Variants in VWF observed in about 807,000 individuals in gnomAD.
VWF encodes the protein von Willebrand factor, also known as Factor VIII related antigen.
VWF carries 176 observed loss-of-function variants against 308.6 expected under a neutral mutation model. The observed-to-expected ratio is 0.57, with a 90% confidence interval of 0.50 to 0.65. The LOEUF (loss-of-function observed/expected upper bound fraction) is 0.65, where lower values mean the gene tolerates loss of function less well. Among genes scored for constraint, VWF ranks in the 30% least tolerant of loss-of-function variants. The pLI, the probability that VWF is intolerant of heterozygous loss-of-function variation, is 0.00. For synonymous variants in VWF, 1,385 were observed against 1,443.4 expected (o/e 0.96, Z 0.92); for missense variants, 3,146 against 3,648.2 (o/e 0.86, Z 3.55).
chr12:6,058,234 T>C lies in VWF; in HGVS notation c.1534-190A>G, dbSNP rs1226275809. On this transcript the variant is annotated intron_variant, in intron 13 of 51. Transcript: ENST00000261405. This position sits in a 1 kb window ranked among gnomAD's most constrained non-coding sequence, Gnocchi z 4.9. The stretch of plus-strand genomic sequence containing the variant: ...GGGGAAAGTGAACTGCAGTGTAAAT[T>C]TACCAGCTCCATCCCTGTTCCCAAA... Among the ~76,000 whole-genome samples, 1 of 152,200 alleles carries C rather than the reference T, an allele frequency of 6.6e-6. No homozygotes were observed. Among genetic ancestry groups the C allele is most frequent in the Non-Finnish European group, 1.5e-5 (1 of 68,036 alleles).
rs190943433 is a variant in VWF, at chr12:5,957,988, T to G, written c.7888-4394A>C. Among the ~76,000 whole-genome samples the G allele has an allele frequency of 3.9e-5, 6 of 152,262 alleles. 1 individual carries two copies. The highest frequency in any genetic ancestry group is 6.5e-5 in the Admixed American group (1 of 15,302). Reference sequence around the variant, plus strand: ...ATGTACAAATTATGGAAAAAGTACGTTGTACATGAAATGTTATATTATTCA... The same window carrying G: ...ATGTACAAATTATGGAAAAAGTACGGTGTACATGAAATGTTATATTATTCA... On this transcript the variant is annotated intron_variant, in intron 47 of 51. Coordinates refer to ENST00000261405, the MANE Select transcript of VWF (RefSeq NM_000552.5).
chr12:6,094,208 A>G (rs1365918247), intron 6 of VWF, among the ~76,000 whole-genome samples: 1 of 152,198 alleles, frequency 6.6e-6, no homozygotes, highest in Non-Finnish European at 1.5e-5. Context: ...ACTGGGAGAA[A>G]ATAAATGCCT....
chr12:6,051,386 G>T (rs1455981766), intron 16 of VWF, among the ~76,000 whole-genome samples: 2 of 150,220 alleles, frequency 1.3e-5, no homozygotes, highest in East Asian at 3.9e-4. Context: ...CCGCCTCCTG[G>T]GTTCAAGCAA....
chr12:6,037,678 G>A (rs1433771354), intron 18 of VWF, among the ~76,000 whole-genome samples: 1 of 152,150 alleles, frequency 6.6e-6, no homozygotes, highest in Non-Finnish European at 1.5e-5. Flanking sequence ...AAAGAGGCCT[G>A]GGTCACCCCC....
rs1393138003 is a variant in VWF, at chr12:6,064,272, T to C, written c.1406A>G (p.Gln469Arg). ...TTTCAGGAGGGGGAGCTGGACGTCC[T>C]GGCCATCCATGGCAACTCCTGCCCC... ...KHGAGVAMDGQDVQLPLLKGD... is the reference protein window; with the variant it reads ...KHGAGVAMDGRDVQLPLLKGD... The change falls in exon 12 of 52, where the codon CAG (glutamine) becomes CGG (arginine). Residue 469 changes from glutamine to arginine, a missense_variant. Coordinates refer to ENST00000261405, the MANE Select transcript of VWF (RefSeq NM_000552.5). The C allele has an allele frequency of 6.2e-6, 10 of 1,614,170 alleles. No individual in the cohort carries two copies. The highest frequency in any genetic ancestry group is 8.5e-6 in the Non-Finnish European group (10 of 1,180,036).
In VWF at chr12:5,964,222, A is replaced by ACATACATACATACATACATGCATACATG. The variant is rs879807475; in HGVS notation, c.7887+3263_7887+3264insCATGTATGCATGTATGTATGTATGTATG. On this transcript the variant is annotated intron_variant, in intron 47 of 51. Transcript: ENST00000261405. ...ACAGAGAGAGACTCTGTCTAAAAATACATACATACATACATACATACATAC... is the reference window on the plus strand; with the variant it reads ...ACAGAGAGAGACTCTGTCTAAAAATACATACATACATACATACATGCATACATGCATACATACATACATACATACATAC... Among the ~76,000 whole-genome samples, 2 of 116,678 alleles carry ACATACATACATACATACATGCATACATG rather than the reference A, an allele frequency of 1.7e-5. 1 individual carries two copies. 76.5% of individuals were successfully genotyped at this position (116,678 alleles called of 152,430 possible). A position where few individuals can be genotyped will look rare whatever the true frequency, so the allele number is the denominator to read the frequency against.
At chr12:5,994,726 C>G (rs1016455614) in intron 35 of VWF, 119 bp from the exon 36 acceptor site, 1 of 870,920 alleles carries the variant, frequency 1.1e-6, no homozygotes, top group Non-Finnish European at 1.9e-6. Flanking sequence ...CAGCCACAAA[C>G]CTTGATATTT....
intron 35 of VWF, among the ~76,000 whole-genome samples, chr12:5,995,509 T>A (rs186956118): frequency 2.6e-5 from 4 of 152,346 alleles, no homozygotes; most frequent in Admixed American, 1.3e-4. Flanking sequence ...GTTGGCATAG[T>A]GTAACCTTTT....
rs189676432 is a variant in VWF, at chr12:6,012,780, C to G, written c.5621-650G>C. On this transcript the variant is annotated intron_variant, in intron 32 of 51. Transcript: ENST00000261405. ...ACAGTGGCGCGATCTCGGCTCACTG[C>G]AAGCTCTGCCTCCCGGGTTCACACC... 5.2e-3 allele frequency among the ~76,000 whole-genome samples: 783 copies of G among 151,244 alleles called. 8 individuals are homozygous for G. Among genetic ancestry groups the G allele is most frequent in the African/African-American group, 0.017 (688 of 41,094 alleles).
chr12:6,019,513 T>C lies in VWF; in HGVS notation c.3905A>G (p.Asp1302Gly), dbSNP rs61749382. The change falls in exon 28 of 52, where the codon GAC becomes GGC. Residue 1302 changes from aspartate (D) to glycine (G), a missense_variant. This residue lies in a region of VWF where 853 missense variants were observed against 1,177.8 expected (regional missense o/e 0.72). Transcript: ENST00000261405. The surrounding 1 kb of genome is among the most constrained non-coding windows in gnomAD (Gnocchi z 5.8). The stretch of plus-strand genomic sequence containing the variant: ...GGAGATGCGCAGCCGCTCCATCATG[T>C]CCACCACAAAGGCCTTCAGCACTTC... Reference protein sequence around the residue: ...EFEVLKAFVVDMMERLRISQK... With the variant: ...EFEVLKAFVVGMMERLRISQK... The C allele has an allele frequency of 1.2e-6, 2 of 1,613,806 alleles. No individual in the cohort carries two copies. The highest frequency in any genetic ancestry group is 8.5e-7 in the Non-Finnish European group (1 of 1,179,864).
intron 40 of VWF, among the ~76,000 whole-genome samples, chr12:5,984,748 G>T (rs1943658470): frequency 1.3e-5 from 2 of 152,186 alleles, no homozygotes; most frequent in Admixed American, 6.5e-5. Context: ...AATGAAAATG[G>T]GTTGCTTTGG....
intron 19 of VWF, among the ~76,000 whole-genome samples, chr12:6,035,898 T>TA (rs1944331395): frequency 6.6e-6 from 1 of 152,264 alleles, no homozygotes; most frequent in Non-Finnish European, 1.5e-5. Flanking sequence ...GTGACACCTT[T>TA]ACTTTCTGAT....
At chr12:6,104,415 C>T (rs1208592231) in intron 5 of VWF, among the ~76,000 whole-genome samples, 4 of 151,646 alleles carry the variant, frequency 2.6e-5, no homozygotes, top group South Asian at 2.1e-4. Flanking sequence ...CTGCCAGGCG[C>T]GGTGGCTCAC....
At chr12:5,978,697 C>T (rs747076219) in intron 42 of VWF, among the ~76,000 whole-genome samples, 16 of 152,166 alleles carry the variant, frequency 1.1e-4, no homozygotes, top group Non-Finnish European at 2.2e-4. Context: ...AGAAATACCA[C>T]TACAAATTTA....
intron 34 of VWF, among the ~76,000 whole-genome samples, chr12:6,008,491 T>C (rs1943955780): frequency 6.6e-6 from 1 of 152,030 alleles, no homozygotes; most frequent in Non-Finnish European, 1.5e-5. Context: ...ATTAAAACAT[T>C]CAACAAACTA....
chr12:5,987,905 A>G (rs150922236), intron 38 of VWF, among the ~76,000 whole-genome samples: 5 of 152,354 alleles, frequency 3.3e-5, no homozygotes, highest in African/African-American at 1.2e-4. Flanking sequence ...TGGTTATGTC[A>G]ATGGTTTTAT....
At chr12:6,092,622 T>TGAGAGTGAGAGAGAGAGAGAGA (rs1403649370) in intron 6 of VWF, among the ~76,000 whole-genome samples, 44 of 91,518 alleles carry the variant, frequency 4.8e-4, no homozygotes, top group Non-Finnish European at 6.8e-4. Flanking sequence ...AGTGAGAGTG[T>TGAGAGTGAGAGAGAGAGAGAGA]GTGTGTGTGT....
At chr12:5,963,937 G>A (rs967252977) in intron 47 of VWF, among the ~76,000 whole-genome samples, 2 of 152,210 alleles carry the variant, frequency 1.3e-5, no homozygotes, top group Non-Finnish European at 2.9e-5. Flanking sequence ...GCCAGGCGCA[G>A]TGGCTCACGC....
Position 6,106,743 on chromosome 12 carries a change from C to T in VWF, c.532+3631G>A, listed in dbSNP as rs1424961991. Among the ~76,000 whole-genome samples the T allele has an allele frequency of 3.3e-5, 5 of 151,842 alleles. No homozygotes were observed. In the South Asian group the frequency reaches 8.3e-4, roughly 25 times the overall value. On this transcript the variant is annotated intron_variant, in intron 5 of 51. Coordinates refer to ENST00000261405, the MANE Select transcript of VWF (RefSeq NM_000552.5). ...TACAAAAATTAGCTGGACATAGTAG[C>T]GGACACCTGTAATCCCAGCTACTAG... is the stretch of plus-strand genomic sequence containing the variant.
Sources: gnomAD v4.1 joint callset for allele counts (sites outside exome capture counted in the v4.1 genomes callset) on GRCh38, gnomAD v4.1.1 for gene constraint, gnomAD v4.1.1 regional missense constraint, Gnocchi (gnomAD v3.1) non-coding constraint, MANE v1.5 for transcripts, NCBI Gene and HGNC (gene_info 2026-07-23, HGNC 2026-07-21) for gene names.